The following RAPGEF5 variants were observed in gnomAD, a reference collection of about 807,000 sequenced individuals.
RAPGEF5 encodes Rap guanine nucleotide exchange factor 5, also known as M-Ras-regulated GEF.
A neutral mutation model predicts 125.2 loss-of-function variants in RAPGEF5; 65 were observed. The ratio of observed to expected loss-of-function variants is 0.52; its 90% CI spans 0.43 to 0.64. The LOEUF (loss-of-function observed/expected upper bound fraction) is 0.64. Among genes scored for constraint, RAPGEF5 ranks in the 30% least tolerant of loss-of-function variants. RAPGEF5 has a pLI of 0.00. For synonymous variants in RAPGEF5, 391 were observed against 385.9 expected, an observed-to-expected ratio of 1.01 and a Z score of -0.16; for missense variants, 958 against 1,048.1, an observed-to-expected ratio of 0.91 and a Z score of 1.19.
At chr7:22,257,823 A>G (rs554273084) in intron 7 of RAPGEF5, among the ~76,000 whole-genome samples, 2 of 152,298 alleles carry the variant, frequency 1.3e-5, no homozygotes, top group East Asian at 1.9e-4. Flanking sequence ...TTTTTTCCTA[A>G]TACAATCTTC....
At chr7:22,163,316 T>C (rs540893706) in intron 12 of RAPGEF5, among the ~76,000 whole-genome samples, 37 of 152,198 alleles carry the variant, frequency 2.4e-4, no homozygotes, top group Non-Finnish European at 5.0e-4. Context: ...GACTAAGTTA[T>C]TATATATGCA....
intron 7 of RAPGEF5, among the ~76,000 whole-genome samples, chr7:22,251,041 A>G (rs1786605623): frequency 1.3e-5 from 2 of 152,216 alleles, no homozygotes; most frequent in African/African-American, 2.4e-5. Context: ...TAAGAATAGC[A>G]TATGGCAAGG....
At chr7:22,156,982 A>G in intron 15 of RAPGEF5, 94 bp from the exon 16 acceptor site, 1 of 1,525,100 alleles carries the variant, frequency 6.6e-7, no homozygotes, top group South Asian at 1.3e-5. Flanking sequence ...GAACTAGCCA[A>G]ATTTTTTTTT....
At chr7:22,310,799 G>A (rs1291587932) in intron 3 of RAPGEF5, among the ~76,000 whole-genome samples, 4 of 152,138 alleles carry the variant, frequency 2.6e-5, no homozygotes, top group Non-Finnish European at 5.9e-5. Context: ...ACCCAGATGT[G>A]TTGGATTCCA....
chr7:22,210,966 GAC>G (rs1278891971), intron 9 of RAPGEF5, among the ~76,000 whole-genome samples: 1 of 152,056 alleles, frequency 6.6e-6, no homozygotes, highest in East Asian at 1.9e-4. Flanking sequence ...AAAAAATAAA[GAC>G]AAATTTTTAT....
chr7:22,297,235 T>A (rs779018394), intron 5 of RAPGEF5, among the ~76,000 whole-genome samples: 2 of 151,922 alleles, frequency 1.3e-5, no homozygotes, highest in Non-Finnish European at 1.5e-5. Context: ...GATCCTTGAG[T>A]AGGGGTGCAG....
At chr7:22,237,472 CAAA>C (rs36017385) in intron 7 of RAPGEF5, among the ~76,000 whole-genome samples, 2 of 107,384 alleles carry the variant, frequency 1.9e-5, no homozygotes, top group African/African-American at 6.3e-5. Context: ...TTAGGCTTCT[CAAA>C]AAAAAAAAAA....
At chr7:22,275,014 A>G (rs369498865) in intron 6 of RAPGEF5, among the ~76,000 whole-genome samples, 22 of 152,232 alleles carry the variant, frequency 1.4e-4, no homozygotes, top group African/African-American at 4.8e-4. Context: ...TTATTAAAAT[A>G]TGGCATTTGC....
chr7:22,259,707 T>C (rs1782096406), intron 7 of RAPGEF5, among the ~76,000 whole-genome samples: 1 of 152,238 alleles, frequency 6.6e-6, no homozygotes, highest in African/African-American at 2.4e-5. Flanking sequence ...GAATGCATAT[T>C]ACTAAGTGAA....
At chr7:22,148,869 TC>T (rs1783529185) in intron 18 of RAPGEF5, among the ~76,000 whole-genome samples, 1 of 152,166 alleles carries the variant, frequency 6.6e-6, no homozygotes. Flanking sequence ...TAGCTACATG[TC>T]AGATCGTCCT....
intron 11 of RAPGEF5, among the ~76,000 whole-genome samples, chr7:22,189,798 A>C (rs1784936215): frequency 6.6e-6 from 1 of 152,240 alleles, no homozygotes; most frequent in Non-Finnish European, 1.5e-5. Flanking sequence ...AATGTTGAAA[A>C]ATTTAGATGA....
chr7:22,282,410 A>T (rs1012022651), intron 6 of RAPGEF5, among the ~76,000 whole-genome samples: 4 of 152,184 alleles, frequency 2.6e-5, no homozygotes, highest in African/African-American at 9.7e-5. Context: ...ATATAATTCC[A>T]TGGGCATCAT....
At position 22,166,279 on chromosome 7, in the gene RAPGEF5, T is replaced by A. The variant is rs1784163325; in HGVS notation, c.1283+791A>T. On this transcript the variant is annotated intron_variant, in intron 12 of 25. Coordinates refer to ENST00000665637, the MANE Select transcript of RAPGEF5 (RefSeq NM_012294.5). ...ATACACAAAAGCAATCCATTTTCCT[T>A]AAAATTTTCATGTGGTTTAGAGTGG... is the stretch of plus-strand genomic sequence containing the variant. 2.0e-5 allele frequency among the ~76,000 whole-genome samples: 3 copies of A among 151,852 alleles called. No homozygotes were observed. The South Asian group carries it at 6.2e-4, about 32-fold the overall frequency.
At chr7:22,343,984 C>T (rs753065510) in intron 1 of RAPGEF5, among the ~76,000 whole-genome samples, 3 of 152,234 alleles carry the variant, frequency 2.0e-5, no homozygotes, top group South Asian at 2.1e-4. Context: ...ACAGCTTCTC[C>T]GATTCCAAAC....
chr7:22,211,971 T>C (rs1303358952), intron 9 of RAPGEF5, among the ~76,000 whole-genome samples: 2 of 112,732 alleles, frequency 1.8e-5, no homozygotes, highest in Admixed American at 1.7e-4. Flanking sequence ...CTCTTTTTTT[T>C]TTTTTTTTTT....
At chr7:22,278,918 A>C (rs920544313) in intron 6 of RAPGEF5, among the ~76,000 whole-genome samples, 4 of 152,034 alleles carry the variant, frequency 2.6e-5, no homozygotes, top group Admixed American at 2.6e-4. Flanking sequence ...CTGCATAGAT[A>C]AGCTCTTGAA....
intron 11 of RAPGEF5, among the ~76,000 whole-genome samples, chr7:22,178,497 C>T (rs1040072699): frequency 1.3e-5 from 2 of 152,200 alleles, no homozygotes; most frequent in Admixed American, 1.3e-4. Flanking sequence ...AGGGTTCTCA[C>T]AACCACCCTC....
chr7:22,248,764 G>A (rs1786544103), intron 7 of RAPGEF5, among the ~76,000 whole-genome samples: 1 of 152,178 alleles, frequency 6.6e-6, no homozygotes, highest in African/African-American at 2.4e-5. Context: ...GAACTAGGAG[G>A]TAGGAAATGA....
At chr7:22,260,009 G>T (rs773976135) in intron 7 of RAPGEF5, among the ~76,000 whole-genome samples, 1 of 152,062 alleles carries the variant, frequency 6.6e-6, no homozygotes, top group Admixed American at 6.6e-5. Context: ...GTTTGAAATC[G>T]GAAGGCAGAG....
Sources: allele counts gnomAD v4.1 joint callset (sites outside exome capture counted in the v4.1 genomes callset), GRCh38; gene constraint gnomAD v4.1.1; transcripts MANE v1.5; gene names NCBI Gene and HGNC (gene_info 2026-07-23, HGNC 2026-07-21).